The following FRMD4A variants were observed in gnomAD, a reference collection of about 807,000 sequenced individuals.
FRMD4A encodes FERM domain-containing protein 4A.
A neutral mutation model predicts 129.1 loss-of-function variants in FRMD4A; 29 were observed. That is an observed-to-expected ratio of 0.22 (90% CI 0.17 to 0.31). The LOEUF (loss-of-function observed/expected upper bound fraction) is 0.31, where lower values mean the gene tolerates loss of function less well. Ranked by LOEUF, FRMD4A falls within the 10% of genes least tolerant of loss-of-function variation. The pLI is 1.00. For synonymous variants in FRMD4A, 634 were observed against 571.6 expected (o/e 1.11, Z -1.56); for missense variants, 1,272 against 1,375.8 (o/e 0.92, Z 1.19).
intron 2 of FRMD4A, among the ~76,000 whole-genome samples, chr10:14,207,940 C>G (rs1365472228): frequency 6.6e-6 from 1 of 152,122 alleles, no homozygotes; most frequent in Non-Finnish European, 1.5e-5. Flanking sequence ...GTAACTCACA[C>G]CTGTAATCCT....
chr10:13,946,807 C>T (rs1274030465), intron 2 of FRMD4A, among the ~76,000 whole-genome samples: 1 of 152,106 alleles, frequency 6.6e-6, no homozygotes, highest in African/African-American at 2.4e-5. Flanking sequence ...TGTCTGTCTC[C>T]ATGTGTCTAT....
rs903596986 is a variant in FRMD4A at position 14,157,462 on chromosome 10, G to A, written c.45+172596C>T. 2.0e-5 allele frequency among the ~76,000 whole-genome samples: 3 copies of A among 152,202 alleles called. No individual in the cohort carries two copies. In the East Asian group the frequency reaches 5.8e-4, roughly 29 times the overall value. On this transcript the variant is annotated intron_variant, in intron 2 of 24. Coordinates refer to ENST00000357447, the MANE Select transcript of FRMD4A (RefSeq NM_018027.5). ...CCAAATATCCCTTAGTGGCTGTTGA[G>A]CCTTCGGCAAGCAATTTCACTTTTT...
chr10:13,964,801 G>C (rs2095474354), intron 2 of FRMD4A, among the ~76,000 whole-genome samples: 1 of 151,408 alleles, frequency 6.6e-6, no homozygotes, highest in Non-Finnish European at 1.5e-5. Context: ...CGATTCTCCT[G>C]CCTCAGCCTC....
At chr10:14,304,254 A>G (rs570308721) in intron 2 of FRMD4A, among the ~76,000 whole-genome samples, 1 of 152,338 alleles carries the variant, frequency 6.6e-6, no homozygotes, top group East Asian at 1.9e-4. Context: ...TCTCACCAAC[A>G]GTGCGCAAGA....
intron 15 of FRMD4A, among the ~76,000 whole-genome samples, chr10:13,679,767 G>A (rs567104764): frequency 8.6e-5 from 13 of 151,948 alleles, no homozygotes; most frequent in South Asian, 4.2e-4. Flanking sequence ...AGCTTTCACC[G>A]CTGCTCTACC....
intron 2 of FRMD4A, among the ~76,000 whole-genome samples, chr10:13,981,443 T>C (rs2095560350): frequency 6.6e-6 from 1 of 152,082 alleles, no homozygotes; most frequent in Admixed American, 6.5e-5. Flanking sequence ...CTATGGTGGA[T>C]AGAATACTTA....
chr10:13,910,917 AAAAAAAAAAGT>A (rs2094934737), intron 2 of FRMD4A, among the ~76,000 whole-genome samples: 1 of 73,360 alleles, frequency 1.4e-5, no homozygotes, highest in African/African-American at 4.5e-5. Context: ...AAAAAAAAAA[AAAAAAAAAAGT>A]CTAGTGGTTT....
chr10:14,161,298 T>A (rs1840875227), intron 2 of FRMD4A, among the ~76,000 whole-genome samples: 2 of 152,096 alleles, frequency 1.3e-5, no homozygotes, highest in Admixed American at 1.3e-4. Context: ...TACCATACAA[T>A]CCAACAATTC....
At chr10:13,940,573 T>C (rs1192341650) in intron 2 of FRMD4A, among the ~76,000 whole-genome samples, 2 of 152,196 alleles carry the variant, frequency 1.3e-5, no homozygotes, top group Non-Finnish European at 2.9e-5. Flanking sequence ...TATTTCTCCA[T>C]CTCAACCTCC....
intron 2 of FRMD4A, among the ~76,000 whole-genome samples, chr10:13,895,655 A>G (rs2094749001): frequency 1.3e-5 from 2 of 152,238 alleles, no homozygotes; most frequent in Admixed American, 1.3e-4. Flanking sequence ...CAATTGCAAC[A>G]AAATTGACAA....
intron 2 of FRMD4A, among the ~76,000 whole-genome samples, chr10:13,944,829 G>A (rs2095320171): frequency 6.6e-6 from 1 of 152,224 alleles, no homozygotes. Context: ...TGCACACAGT[G>A]TCAGATAGAA....
chr10:14,051,565 C>T (rs1043939790), intron 2 of FRMD4A, among the ~76,000 whole-genome samples: 1 of 152,204 alleles, frequency 6.6e-6, no homozygotes, highest in Non-Finnish European at 1.5e-5. Context: ...ATGAAATGCT[C>T]AGAACACAGA....
chr10:13,775,436 G>A (rs1399347873), intron 6 of FRMD4A, among the ~76,000 whole-genome samples: 2 of 151,544 alleles, frequency 1.3e-5, no homozygotes, highest in Non-Finnish European at 2.9e-5. Context: ...TTTTTTTTTT[G>A]TATATTTCTA....
Position 14,212,614 on chromosome 10 carries a change from G to C in FRMD4A, c.45+117444C>G, listed in dbSNP as rs1259256086. On this transcript the variant is annotated intron_variant, in intron 2 of 24. Coordinates refer to ENST00000357447, the MANE Select transcript of FRMD4A (RefSeq NM_018027.5). ...TCCTTAATGTGCATGAAGATGTCTT[G>C]AAACCAGAGTAGGAGACCAGGAGGA... Among the ~76,000 whole-genome samples the C allele has an allele frequency of 3.3e-5, 5 of 152,332 alleles. No individual in the cohort carries two copies. In the East Asian group the frequency reaches 7.7e-4, roughly 24 times the overall value.
intron 3 of FRMD4A, among the ~76,000 whole-genome samples, chr10:13,834,456 C>T (rs959666935): frequency 1.3e-5 from 2 of 152,190 alleles, no homozygotes; most frequent in Non-Finnish European, 2.9e-5. Flanking sequence ...CCTTTGTGCT[C>T]TTCTCCAGGA....
chr10:13,974,558 G>A (rs988423059), intron 2 of FRMD4A, among the ~76,000 whole-genome samples: 24 of 152,106 alleles, frequency 1.6e-4, no homozygotes, highest in Non-Finnish European at 2.9e-4. Flanking sequence ...GCGGAGTCTC[G>A]CTCTGTCGCC....
intron 6 of FRMD4A, among the ~76,000 whole-genome samples, chr10:13,777,293 C>T (rs866212548): frequency 3.9e-5 from 6 of 152,204 alleles, no homozygotes; most frequent in Non-Finnish European, 7.3e-5. Context: ...CAGCGATTCT[C>T]GCTCCATCTC....
chr10:13,716,220 A>T (rs1482149356), intron 12 of FRMD4A, among the ~76,000 whole-genome samples: 2 of 152,138 alleles, frequency 1.3e-5, no homozygotes, highest in Non-Finnish European at 2.9e-5. Context: ...TTATTGGCCA[A>T]TTCCTCCGTC....
intron 2 of FRMD4A, among the ~76,000 whole-genome samples, chr10:13,940,416 A>G (rs1419479121): frequency 6.6e-6 from 1 of 152,212 alleles, no homozygotes; most frequent in African/African-American, 2.4e-5. Flanking sequence ...ATGAGAGGAC[A>G]GCAGTCAATG....
Sources: gnomAD v4.1 joint callset for allele counts (sites outside exome capture counted in the v4.1 genomes callset) on GRCh38, gnomAD v4.1.1 for gene constraint, MANE v1.5 for transcripts, NCBI Gene and HGNC (gene_info 2026-07-23, HGNC 2026-07-21) for gene names.